Variants in SPATA13 observed in about 807,000 individuals in gnomAD.
The protein encoded by SPATA13 is spermatogenesis-associated protein 13.
SPATA13 carries 50 observed loss-of-function variants against 104.0 expected under a neutral mutation model. The ratio of observed to expected loss-of-function variants is 0.48; its 90% CI spans 0.38 to 0.61. The LOEUF is 0.61. Among genes scored for constraint, SPATA13 ranks in the 20% least tolerant of loss-of-function variants. The probability of loss-of-function intolerance (pLI) is 0.00; values close to 1 mark genes in which losing one functional copy is unlikely to be tolerated. For synonymous variants in SPATA13, 606 were observed against 667.5 expected (o/e 0.91, Z 1.42); for missense variants, 1,524 against 1,690.6 (o/e 0.90, Z 1.73).
intron 2 of SPATA13, among the ~76,000 whole-genome samples, chr13:23,993,669 A>G (rs901146238): frequency 2.0e-5 from 3 of 152,166 alleles, no homozygotes; most frequent in Non-Finnish European, 4.4e-5. Flanking sequence ...ACAGGCTAGG[A>G]TAAGTGAGAA....
At chr13:24,085,381 C>T (rs1308529604) in intron 3 of SPATA13, among the ~76,000 whole-genome samples, 5 of 152,194 alleles carry the variant, frequency 3.3e-5, no homozygotes, top group Admixed American at 3.3e-4. Context: ...CCCACCTCAG[C>T]CTCCAAAAGT....
At chr13:24,024,537 A>T (rs906036018) in intron 3 of SPATA13, among the ~76,000 whole-genome samples, 4 of 152,082 alleles carry the variant, frequency 2.6e-5, no homozygotes, top group African/African-American at 9.7e-5. Context: ...TCTGAGTCCC[A>T]TGCCACCAGG....
At chr13:24,118,155 C>T (rs994848078) in intron 3 of SPATA13, among the ~76,000 whole-genome samples, 2 of 152,088 alleles carry the variant, frequency 1.3e-5, no homozygotes, top group Admixed American at 6.5e-5. Flanking sequence ...CAAACCTGAG[C>T]GTAGACCACC....
At chr13:24,222,507 T>C (rs565053925) in intron 1 of SPATA13, among the ~76,000 whole-genome samples, 2 of 152,340 alleles carry the variant, frequency 1.3e-5, no homozygotes, top group East Asian at 3.9e-4. Context: ...GAAAAGATAG[T>C]GTTGAATGAT....
chr13:24,281,227 G>A (rs775910444), intron 4 of SPATA13, among the ~76,000 whole-genome samples: 7 of 152,206 alleles, frequency 4.6e-5, no homozygotes, highest in Admixed American at 3.9e-4. Flanking sequence ...GCTTAGGCCC[G>A]GGAATTTACT....
intron 4 of SPATA13, among the ~76,000 whole-genome samples, chr13:24,266,146 G>T (rs933465681): frequency 6.6e-6 from 1 of 152,110 alleles, no homozygotes; most frequent in East Asian, 1.9e-4. Flanking sequence ...GCCTCTCCAA[G>T]AATTTTATGA....
chr13:23,991,590 A>G (rs2137659848), intron 2 of SPATA13, among the ~76,000 whole-genome samples: 1 of 152,242 alleles, frequency 6.6e-6, no homozygotes, highest in South Asian at 2.1e-4. Context: ...CTTTGCTATT[A>G]CTGCCTTCTT....
chr13:24,001,810 G>A (rs535495259), intron 2 of SPATA13, among the ~76,000 whole-genome samples: 2 of 152,218 alleles, frequency 1.3e-5, no homozygotes, highest in South Asian at 2.1e-4. Flanking sequence ...GGGAGCAGGG[G>A]TGAGGACTGA....
At chr13:24,251,352 C>T (rs778723050) in intron 3 of SPATA13, 19 of 593,910 alleles carry the variant, frequency 3.2e-5, no homozygotes, top group Non-Finnish European at 4.0e-5. Flanking sequence ...CCAGAGGCCA[C>T]CCCTGGGAAA....
rs55973344 is a variant in SPATA13 at position 24,278,873 on chromosome 13, T to TTTCCTTCCTTCCTTCCTTCC, written c.2165-5229_2165-5210dup. 5.0e-5 allele frequency: 56 copies of TTTCCTTCCTTCCTTCCTTCC among 1,117,150 alleles called. No homozygotes were observed. The African/African-American group carries it at 6.7e-4, about 13-fold the overall frequency. The allele number at this position is 1,117,150 out of a possible 1,614,324, so 69.2% of individuals were successfully genotyped here. A position where few individuals can be genotyped will look rare whatever the true frequency, so the allele number is the denominator to read the frequency against. On this transcript the variant is annotated intron_variant, in intron 4 of 12. Transcript: ENST00000382108. ...GCATGAAGTCCACATGCTGTTTTTC[T>TTTCCTTCCTTCCTTCCTTCC]TTCCTTCCTTCCTTCCTTCCTTCCT...
At chr13:23,985,977 G>A (rs1394985825) in intron 2 of SPATA13, among the ~76,000 whole-genome samples, 1 of 152,170 alleles carries the variant, frequency 6.6e-6, no homozygotes, top group Non-Finnish European at 1.5e-5. Context: ...CTCCTCACCC[G>A]CGGACCTCAG....
intron 4 of SPATA13, among the ~76,000 whole-genome samples, chr13:24,252,354 C>T (rs1453858924): frequency 1.3e-5 from 2 of 152,160 alleles, no homozygotes; most frequent in African/African-American, 4.8e-5. Flanking sequence ...TATAAAGACA[C>T]CAGGCTTACT....
In SPATA13 at chr13:24,222,650, A is replaced by G. The variant is rs549919537; in HGVS notation, c.-111-169A>G. On this transcript the variant is annotated intron_variant, in intron 1 of 12. Coordinates refer to ENST00000382108, the MANE Select transcript of SPATA13 (RefSeq NM_001166271.3). ...TCTCTGTCCAGGGATGTATATTTGCATCTTTCCTTCAACTTATGAAGTGAA... is the reference window on the plus strand; with the variant it reads ...TCTCTGTCCAGGGATGTATATTTGCGTCTTTCCTTCAACTTATGAAGTGAA... 3.3e-5 allele frequency among the ~76,000 whole-genome samples: 5 copies of G among 152,274 alleles called. No homozygotes were observed. The South Asian group carries it at 1.0e-3, about 32-fold the overall frequency.
intron 3 of SPATA13, among the ~76,000 whole-genome samples, chr13:24,105,087 A>G (rs989712639): frequency 6.6e-6 from 1 of 151,494 alleles, no homozygotes; most frequent in African/African-American, 2.4e-5. Context: ...TACCTCCACT[A>G]TGGTACCTCT....
intron 3 of SPATA13, chr13:24,123,700 G>A: frequency 6.4e-7 from 1 of 1,569,872 alleles, no homozygotes; most frequent in Non-Finnish European, 8.8e-7. Context: ...TCTTGCCAAA[G>A]TTCCTCATCA....
chr13:24,188,036 A>G (rs1043578980), intron 1 of SPATA13, among the ~76,000 whole-genome samples: 2 of 152,170 alleles, frequency 1.3e-5, no homozygotes, highest in Non-Finnish European at 2.9e-5. Flanking sequence ...AAGTTCTTGA[A>G]GGAAATTAAA....
chr13:24,094,683 C>T (rs1880014719), intron 3 of SPATA13, among the ~76,000 whole-genome samples: 1 of 152,076 alleles, frequency 6.6e-6, no homozygotes, highest in African/African-American at 2.4e-5. Context: ...TGCCTGAGCC[C>T]AGGAGTTTGA....
chr13:24,200,829 C>G lies in SPATA13; in HGVS notation c.-111-21990C>G, dbSNP rs145859529. Among the ~76,000 whole-genome samples the G allele has an allele frequency of 2.0e-5, 3 of 151,704 alleles. No homozygotes were observed. In the East Asian group the frequency reaches 5.8e-4, roughly 29 times the overall value. ...TCAAGTTTAAAACAAATAAAACAAA[C>G]CAAAAAACCCCACTCACTCCCACAA... is the stretch of plus-strand genomic sequence containing the variant. On this transcript the variant is annotated intron_variant, in intron 1 of 12. Transcript: ENST00000382108.
Position 24,223,005 on chromosome 13 carries a change from G to A in SPATA13, c.76G>A (p.Gly26Ser). The A allele has an allele frequency of 6.4e-7, 1 of 1,551,342 alleles. No individual in the cohort carries two copies. Among genetic ancestry groups the A allele is most frequent in the Non-Finnish European group, 8.7e-7 (1 of 1,146,730 alleles). ...MTTAPNGLGP[G>S]PAAPCAGSDL... ...CACTGCCCCAAACGGCCTCGGGCCA[G>A]GCCCCGCAGCCCCCTGTGCAGGCTC... is the stretch of plus-strand genomic sequence containing the variant. The change falls in exon 2 of 13, where the codon GGC becomes AGC. Residue 26 changes from glycine (G) to serine (S), a missense_variant. Gly to Ser is a moderately conservative substitution (Grantham distance 56, BLOSUM62 0). Around this residue, in one of 2 missense-constraint regions of SPATA13, gnomAD observed 1,089 missense variants for 1,135.9 expected, o/e 0.96. Coordinates refer to ENST00000382108, the MANE Select transcript of SPATA13 (RefSeq NM_001166271.3).
Sources: gnomAD v4.1 joint callset for allele counts (sites outside exome capture counted in the v4.1 genomes callset) on GRCh38, gnomAD v4.1.1 for gene constraint, gnomAD v4.1.1 regional missense constraint, MANE v1.5 for transcripts, NCBI Gene and HGNC (gene_info 2026-07-23, HGNC 2026-07-21) for gene names.